Variants in PFKP observed in about 807,000 individuals in gnomAD.
PFKP encodes the protein ATP-dependent 6-phosphofructokinase, platelet type.
A neutral mutation model predicts 94.3 loss-of-function variants in PFKP; 101 were observed. The observed-to-expected ratio is 1.07, with a 90% CI of 0.91 to 1.26. The LOEUF (loss-of-function observed/expected upper bound fraction) is 1.26. Among genes scored for constraint, PFKP ranks in the 50% most tolerant of loss-of-function variants. The pLI, the probability that PFKP is intolerant of heterozygous loss-of-function variation, is 0.00. For missense variants in PFKP, 1,145 were observed against 1,103.3 expected (o/e 1.04, Z -0.53); for synonymous variants, 573 against 432.6 (o/e 1.32, Z -4.03).
chr10:3,107,493 C>T (rs1403293406), intron 8 of PFKP, among the ~76,000 whole-genome samples, 184 bp downstream of exon 8: 1 of 152,234 alleles, frequency 6.6e-6, no homozygotes, highest in Admixed American at 6.5e-5. Context: ...CTCCTGGGAG[C>T]CCATTCCGCT....
At chr10:3,090,474 T>C (rs1469265242) in intron 2 of PFKP, among the ~76,000 whole-genome samples, 4 of 152,194 alleles carry the variant, frequency 2.6e-5, no homozygotes, top group East Asian at 3.8e-4. Context: ...TTTGACTCCA[T>C]GGGTGTGTGG....
intron 16 of PFKP, among the ~76,000 whole-genome samples, chr10:3,124,722 T>C (rs368582530): frequency 6.6e-6 from 1 of 152,222 alleles, no homozygotes; most frequent in African/African-American, 2.4e-5. Flanking sequence ...GGATTGGCTT[T>C]GCCTTTAAGT....
At chr10:3,098,739 ATC>A (rs907633035) in intron 2 of PFKP, among the ~76,000 whole-genome samples, 1 of 151,722 alleles carries the variant, frequency 6.6e-6, no homozygotes, top group African/African-American at 2.4e-5. Context: ...ACATATTGAT[ATC>A]TGATTCCCTA....
At chr10:3,073,300 C>T (rs1293501340) in intron 1 of PFKP, among the ~76,000 whole-genome samples, 1 of 152,000 alleles carries the variant, frequency 6.6e-6, no homozygotes, top group Non-Finnish European at 1.5e-5. Context: ...CTTCCCTCCC[C>T]TCTTCCCTAA....
At chr10:3,135,713 A>G in intron 20 of PFKP, 23 bp from the exon 21 acceptor site, 1 of 1,461,974 alleles carries the variant, frequency 6.8e-7, no homozygotes, top group Non-Finnish European at 9.6e-7. Context: ...GGTGTTATTA[A>G]TCTTTTTTAA....
chr10:3,116,577 G>A (rs1836846686), intron 13 of PFKP, among the ~76,000 whole-genome samples, 199 bp from the exon 14 acceptor site: 1 of 152,184 alleles, frequency 6.6e-6, no homozygotes, highest in Admixed American at 6.5e-5. Flanking sequence ...CCCCTCTGCT[G>A]CTCTTCATGA....
intron 1 of PFKP, among the ~76,000 whole-genome samples, chr10:3,076,347 G>A (rs1037274173): frequency 7.9e-5 from 12 of 152,238 alleles, no homozygotes; most frequent in East Asian, 1.9e-4. Context: ...TCCCAGCCAC[G>A]CAGAGGACCC....
intron 16 of PFKP, chr10:3,129,588 C>T (rs1838321111): frequency 1.9e-6 from 1 of 520,260 alleles, no homozygotes; most frequent in Non-Finnish European, 3.4e-6. Flanking sequence ...CAAAACGGGA[C>T]ATCGAGGTCA....
chr10:3,108,917 C>A, intron 9 of PFKP, 124 bp downstream of exon 9: 1 of 731,250 alleles, frequency 1.4e-6, no homozygotes, highest in Non-Finnish European at 2.5e-6. Flanking sequence ...CGCGGCCCGG[C>A]CCTCATCTTA....
chr10:3,106,478 C>T lies in PFKP; in HGVS notation c.775-736C>T, dbSNP rs530125575. On this transcript the variant is annotated intron_variant, in intron 7 of 21. Coordinates refer to ENST00000381125, the MANE Select transcript of PFKP (RefSeq NM_002627.5). ...CCATGGGAACCCCTGTCAATCACAC[C>T]AGCACCCTCCACCTGGGGCTGACTG... is the stretch of plus-strand genomic sequence containing the variant. Among the ~76,000 whole-genome samples, 88 of 151,848 alleles carry T rather than the reference C, an allele frequency of 5.8e-4. No individual in the cohort carries two copies. In the South Asian group the frequency reaches 0.017, roughly 29 times the overall value.
intron 10 of PFKP, among the ~76,000 whole-genome samples, chr10:3,111,054 GTA>G (rs748510445): frequency 3.3e-5 from 5 of 151,772 alleles, no homozygotes; most frequent in South Asian, 2.1e-4. Context: ...ATATGCATGT[GTA>G]TATATGTGTG....
At chr10:3,083,291 A>T (rs1405538584) in intron 2 of PFKP, among the ~76,000 whole-genome samples, 1 of 152,234 alleles carries the variant, frequency 6.6e-6, no homozygotes, top group African/African-American at 2.4e-5. Context: ...CCTGTCTGCC[A>T]CTTTTGAAGT....
intron 2 of PFKP, among the ~76,000 whole-genome samples, chr10:3,088,354 C>G (rs985169659): frequency 1.3e-5 from 2 of 152,096 alleles, no homozygotes; most frequent in African/African-American, 4.8e-5. Flanking sequence ...GCATGGTATT[C>G]CATGGTGTAT....
chr10:3,132,899 G>C (rs1426998851), intron 18 of PFKP, among the ~76,000 whole-genome samples: 1 of 127,986 alleles, frequency 7.8e-6, no homozygotes, highest in Admixed American at 7.5e-5. Flanking sequence ...GATGATTGAC[G>C]TTCTGGGTGG....
At chr10:3,110,365 A>ATT (rs57980780) in intron 10 of PFKP, among the ~76,000 whole-genome samples, 4,827 of 92,292 alleles carry the variant, frequency 0.052, 215 homozygotes, top group African/African-American at 0.097. Flanking sequence ...CGCCTGGCTA[A>ATT]TTTTTTTTTT....
intron 17 of PFKP, among the ~76,000 whole-genome samples, chr10:3,132,083 T>G (rs993833134): frequency 6.6e-6 from 1 of 152,064 alleles, no homozygotes; most frequent in African/African-American, 2.4e-5. Context: ...GAGCCATGAA[T>G]GATCACTAGG....
At position 3,103,829 on chromosome 10, in the gene PFKP, G is replaced by A. The variant is rs1354863282; in HGVS notation, c.505G>A (p.Gly169Ser). ...GAAGTACGCCTACCTCAACGTGGTG[G>A]GCATGGTGGGCTCCATCGACAATGA... The part of the protein sequence containing the change: ...VQKYAYLNVV[G>S]MVGSIDNDFC... Residue 169 changes from glycine (G) to serine (S), a missense_variant, in exon 5 of 22, where the codon GGC becomes AGC. Physicochemically the swap from Gly to Ser is moderately conservative, Grantham distance 56. This residue lies in a region of PFKP where 1,119 missense variants were observed against 1,062.8 expected (regional missense o/e 1.05). Transcript: ENST00000381125. The A allele has an allele frequency of 6.2e-7, 1 of 1,614,032 alleles. No individual in the cohort carries two copies. Among genetic ancestry groups the A allele is most frequent in the East Asian group, 2.2e-5 (1 of 44,876 alleles).
At chr10:3,077,953 C>T (rs1025427804) in intron 1 of PFKP, among the ~76,000 whole-genome samples, 2 of 152,182 alleles carry the variant, frequency 1.3e-5, no homozygotes, top group Non-Finnish European at 2.9e-5. Context: ...AATTACGAAG[C>T]GGTGTTTTTC....
intron 1 of PFKP, among the ~76,000 whole-genome samples, chr10:3,078,589 A>C (rs1343354637): frequency 1.3e-5 from 2 of 152,222 alleles, no homozygotes; most frequent in Non-Finnish European, 2.9e-5. Flanking sequence ...CAGGCATTGT[A>C]ATAGAGGAAA....
Sources: gnomAD v4.1 joint callset for allele counts (sites outside exome capture counted in the v4.1 genomes callset) on GRCh38, gnomAD v4.1.1 for gene constraint, gnomAD v4.1.1 regional missense constraint, MANE v1.5 for transcripts, NCBI Gene and HGNC (gene_info 2026-07-23, HGNC 2026-07-21) for gene names.